Variants in ADAM20 observed in about 807,000 individuals in gnomAD.
The protein encoded by ADAM20 is ADAM metallopeptidase domain 20.
For missense variants in ADAM20, 871 were observed against 883.2 expected, an observed-to-expected ratio of 0.99 and a Z score of 0.18; for synonymous variants, 305 against 310.2, an observed-to-expected ratio of 0.98 and a Z score of 0.18.
the ADAM20 span, among the ~76,000 whole-genome samples, chr14:70,559,312 C>CA: frequency 1.4e-5 from 2 of 147,950 alleles, no homozygotes; most frequent in Middle Eastern, 3.5e-3. Flanking sequence ...TCCTTAATTC[C>CA]TTTTTTTTTT....
the ADAM20 span, among the ~76,000 whole-genome samples, chr14:70,569,458 TA>T: frequency 1.3e-5 from 2 of 152,272 alleles, no homozygotes; most frequent in Non-Finnish European, 2.9e-5. Context: ...CTAAATACCC[TA>T]CTCAAAAGAC....
chr14:70,563,425 A>T, the ADAM20 span, among the ~76,000 whole-genome samples: 1 of 152,196 alleles, frequency 6.6e-6, no homozygotes, highest in African/African-American at 2.4e-5. Flanking sequence ...TAATATTTGG[A>T]CTGAAATACC....
chr14:70,560,198 A>G, the ADAM20 span, among the ~76,000 whole-genome samples: 2 of 152,218 alleles, frequency 1.3e-5, no homozygotes, highest in Middle Eastern at 3.2e-3. Flanking sequence ...CTGTTTGTCA[A>G]TATTTTAATG....
Position 70,524,682 on chromosome 14 carries a change from A to C in ADAM20, c.76T>G (p.Ser26Ala), listed in dbSNP as rs745519054. 4 of 1,613,908 alleles carry C rather than the reference A, an allele frequency of 2.5e-6. No individual in the cohort carries two copies. The African/African-American group carries it at 4.0e-5, about 16-fold the overall frequency. Residue 26 changes from serine (S) to alanine (A), a missense_variant, in exon 2 of 2, where the codon TCT becomes GCT. Ser to Ala is a moderately conservative substitution (Grantham distance 99). Coordinates refer to ENST00000256389, the MANE Select transcript of ADAM20 (RefSeq NM_003814.5). ...LLWFGMFLSI[S>A]GHSQARPSQY... is the part of the protein sequence containing the mutation. ...GAGGGCCTGGCCTGAGAGTGGCCAGAAATAGACAAAAACATCCCAAACCAG... is the reference window on the plus strand; with the variant it reads ...GAGGGCCTGGCCTGAGAGTGGCCAGCAATAGACAAAAACATCCCAAACCAG...
At chr14:70,561,213 T>G in the ADAM20 span, among the ~76,000 whole-genome samples, 4 of 152,204 alleles carry the variant, frequency 2.6e-5, no homozygotes, top group African/African-American at 9.6e-5. Flanking sequence ...ACTGGTGGCA[T>G]TTTGCCCCTG....
Position 70,524,283 on chromosome 14 carries a change from A to G in ADAM20, c.475T>C (p.Tyr159His). 1 of 1,614,076 alleles carries G rather than the reference A, an allele frequency of 6.2e-7. No homozygotes were observed. Among genetic ancestry groups the G allele is most frequent in the East Asian group, 2.2e-5 (1 of 44,888 alleles). Residue 159 changes from tyrosine (Y) to histidine (H), a missense_variant, in exon 2 of 2, where the codon TAT becomes CAT. Transcript: ENST00000256389. ...TGTGTATCATCACTGTCTATCTTAT[A>G]TACTAGGTGTTCAAATGTGGCAGAA... ...SVSATFEHLVYKIDSDDTQFP... is the reference protein window; with the variant it reads ...SVSATFEHLVHKIDSDDTQFP...
At chr14:70,528,567 GT>G (rs1883641883) in intron 1 of ADAM20, among the ~76,000 whole-genome samples, 1 of 152,176 alleles carries the variant, frequency 6.6e-6, no homozygotes, top group African/African-American at 2.4e-5. Flanking sequence ...TTCTTAGGAT[GT>G]GTTAAACAAA....
At chr14:70,544,328 C>G in the ADAM20 span, among the ~76,000 whole-genome samples, 9 of 152,174 alleles carry the variant, frequency 5.9e-5, no homozygotes, top group Admixed American at 5.2e-4. Flanking sequence ...CTTTTTAACT[C>G]TTACAGGTAG....
At chr14:70,524,977 G>A in intron 1 of ADAM20, 44 bp from the exon 2 acceptor site, 2 of 1,469,590 alleles carry the variant, frequency 1.4e-6, no homozygotes, top group South Asian at 1.4e-5. Context: ...AAGGGAGAAA[G>A]AGAGAGAGAA....
chr14:70,523,675 T>C lies in ADAM20; in HGVS notation c.1083A>G (p.Leu361=), dbSNP rs374483967. 403 of 1,613,986 alleles carry C rather than the reference T, an allele frequency of 2.5e-4. No homozygotes were observed. Among genetic ancestry groups the C allele is most frequent in the Non-Finnish European group, 3.3e-4 (392 of 1,179,996 alleles). ...TATAGGCATGCATTATGCACCACTG[T>C]AGCTCGCACACACACCACTGGGTGT... ...QHDTQWCVCE[L]QWCIMHAYRK... Residue 361 remains leucine, a synonymous_variant, in exon 2 of 2, where the codon CTA becomes CTG. Transcript: ENST00000256389.
the ADAM20 span, among the ~76,000 whole-genome samples, chr14:70,569,577 T>C: frequency 2.0e-5 from 3 of 152,196 alleles, no homozygotes; most frequent in East Asian, 3.9e-4. Flanking sequence ...GAAAAACATC[T>C]ATCATGCAAA....
At chr14:70,535,156 G>C (rs1412438190), upstream of ADAM20, 1 of 152,198 alleles carries the variant, frequency 6.6e-6, no homozygotes, top group Non-Finnish European at 1.5e-5. Flanking sequence ...CAAAGACTGA[G>C]AGGTGAAATA....
chr14:70,554,566 T>C, the ADAM20 span, among the ~76,000 whole-genome samples: 1 of 152,118 alleles, frequency 6.6e-6, no homozygotes, highest in Non-Finnish European at 1.5e-5. Context: ...GGGAATATTA[T>C]TCAGCCTTAA....
chr14:70,558,931 G>A, the ADAM20 span, among the ~76,000 whole-genome samples: 1 of 152,018 alleles, frequency 6.6e-6, no homozygotes, highest in Non-Finnish European at 1.5e-5. Context: ...ACTAAGTGTT[G>A]TTAGAGTTCC....
At chr14:70,533,717 T>C (rs1374654725) in intron 1 of ADAM20, among the ~76,000 whole-genome samples, 2 of 151,720 alleles carry the variant, frequency 1.3e-5, no homozygotes, top group East Asian at 1.9e-4. Context: ...TGTATACCTA[T>C]GTAACAAACC....
At chr14:70,554,168 T>G in the ADAM20 span, among the ~76,000 whole-genome samples, 27 of 152,202 alleles carry the variant, frequency 1.8e-4, no homozygotes, top group African/African-American at 6.5e-4. Context: ...CCATTTACAA[T>G]AGCCACAAAT....
chr14:70,544,685 A>C, the ADAM20 span, among the ~76,000 whole-genome samples: 1 of 152,176 alleles, frequency 6.6e-6, no homozygotes, highest in African/African-American at 2.4e-5. Flanking sequence ...AATAGCTAGA[A>C]ATATTGAATT....
the ADAM20 span, among the ~76,000 whole-genome samples, chr14:70,544,705 TAAAG>T: frequency 3.9e-5 from 6 of 152,138 alleles, no homozygotes. Context: ...TTTCTCATCA[TAAAG>T]AAATGATAAA....
At chr14:70,569,107 G>A in the ADAM20 span, among the ~76,000 whole-genome samples, 11 of 152,164 alleles carry the variant, frequency 7.2e-5, 1 homozygote, top group African/African-American at 2.6e-4. Flanking sequence ...AGCCAGAAGA[G>A]ACTGAAGCCT....
Sources: gnomAD v4.1 joint callset for allele counts (sites outside exome capture counted in the v4.1 genomes callset) on GRCh38, gnomAD v4.1.1 for gene constraint, MANE v1.5 for transcripts, NCBI Gene and HGNC (gene_info 2026-07-23, HGNC 2026-07-21) for gene names.